Variants in INPP5A observed in about 807,000 individuals in gnomAD.
INPP5A encodes inositol polyphosphate-5-phosphatase A, also known as 43 kDa inositol polyphosphate 5-phophatase.
INPP5A carries 14 observed loss-of-function variants against 65.2 expected under a neutral mutation model. The ratio of observed to expected loss-of-function variants is 0.21; its 90% CI spans 0.14 to 0.34. The LOEUF (loss-of-function observed/expected upper bound fraction) is 0.34, where lower values mean the gene tolerates loss of function less well. Among genes scored for constraint, INPP5A ranks in the 10% least tolerant of loss-of-function variants. The pLI, the probability that INPP5A is intolerant of heterozygous loss-of-function variation, is 1.00. For synonymous variants in INPP5A, 207 were observed against 208.3 expected, an observed-to-expected ratio of 0.99 and a Z score of 0.05; for missense variants, 431 against 545.6, an observed-to-expected ratio of 0.79 and a Z score of 2.09.
rs1051505084 is a variant in INPP5A at position 132,644,499 on chromosome 10, G to A, written c.118-1369G>A. ...GCTGGCTGCCCACTTGCTCAGCTGC[G>A]CCCTGGACCGTGGCCGCTGGGCTCC... On this transcript the variant is annotated intron_variant, in intron 2 of 15. Transcript: ENST00000368594. This position sits in a 1 kb window ranked among gnomAD's most constrained non-coding sequence, Gnocchi z 6.5. Among the ~76,000 whole-genome samples the A allele has an allele frequency of 3.3e-5, 5 of 152,234 alleles. No homozygotes were observed. The highest frequency in any genetic ancestry group is 7.2e-5 in the African/African-American group (3 of 41,444).
chr10:132,652,595 G>A (rs1007411198), intron 4 of INPP5A, among the ~76,000 whole-genome samples: 9 of 152,204 alleles, frequency 5.9e-5, no homozygotes, highest in Non-Finnish European at 8.8e-5. Flanking sequence ...CCGTCTCTGC[G>A]TGCTGCCCTG....
intron 6 of INPP5A, among the ~76,000 whole-genome samples, chr10:132,699,663 C>T (rs1215331504): frequency 1.3e-5 from 2 of 152,108 alleles, no homozygotes; most frequent in East Asian, 1.9e-4. Flanking sequence ...GGCCAGGGCC[C>T]GCAGGGTCAG....
rs545508290 is a variant in INPP5A at position 132,782,094 on chromosome 10, C to G, written c.*65C>G. On this transcript the variant is annotated 3_prime_UTR_variant, in exon 16 of 16. Coordinates refer to ENST00000368594, the MANE Select transcript of INPP5A (RefSeq NM_005539.5). This position sits in a 1 kb window ranked among gnomAD's most constrained non-coding sequence, Gnocchi z 4.4. ...CGTGAGCCTCCCTGTAGCCGTGGACCGAATACGCACTCTTGAAAGCTGCAT... is the reference window on the plus strand; with the variant it reads ...CGTGAGCCTCCCTGTAGCCGTGGACGGAATACGCACTCTTGAAAGCTGCAT... The G allele has an allele frequency of 8.4e-6, 13 of 1,540,028 alleles. No homozygotes were observed. The South Asian group carries it at 1.6e-4, about 18-fold the overall frequency.
At chr10:132,633,368 C>T (rs1409913751) in intron 2 of INPP5A, among the ~76,000 whole-genome samples, 3 of 152,142 alleles carry the variant, frequency 2.0e-5, no homozygotes, top group Non-Finnish European at 4.4e-5. Context: ...TAGTAGGTCA[C>T]GAAAACCCAT....
At chr10:132,612,297 G>A (rs955822864) in intron 2 of INPP5A, among the ~76,000 whole-genome samples, 1 of 151,918 alleles carries the variant, frequency 6.6e-6, no homozygotes, top group Admixed American at 6.6e-5. Flanking sequence ...TGAGGGAGGT[G>A]AGGAGTTCAT....
chr10:132,780,128 C>G (rs903848167), intron 13 of INPP5A, among the ~76,000 whole-genome samples: 8 of 152,228 alleles, frequency 5.3e-5, no homozygotes, highest in African/African-American at 1.9e-4. Context: ...GTAAATCTGA[C>G]CTTGAGCTTC....
chr10:132,729,026 G>A (rs1357653451), intron 9 of INPP5A, among the ~76,000 whole-genome samples: 1 of 144,316 alleles, frequency 6.9e-6, no homozygotes, highest in Admixed American at 6.7e-5. Flanking sequence ...CAGGCGTGGG[G>A]GGCCTGGACT....
At chr10:132,577,034 C>T (rs2071418703) in intron 1 of INPP5A, among the ~76,000 whole-genome samples, 1 of 152,218 alleles carries the variant, frequency 6.6e-6, no homozygotes, top group Admixed American at 6.5e-5. Flanking sequence ...TTGTGCTGGG[C>T]TCCAGAAAAC....
rs74161907 is a variant in INPP5A, at chr10:132,669,374, C to G, written c.306+18869C>G. On this transcript the variant is annotated intron_variant, in intron 4 of 15. Coordinates refer to ENST00000368594, the MANE Select transcript of INPP5A (RefSeq NM_005539.5). ...TGTGAGGCGGGTTCCCTGGTGCCCA[C>G]TGTGGCCTACTCTGAGGGGCACAAT... 3.1e-3 allele frequency among the ~76,000 whole-genome samples: 474 copies of G among 152,326 alleles called. 3 individuals carry two copies. The highest frequency in any genetic ancestry group is 0.011 in the African/African-American group (455 of 41,570).
chr10:132,634,871 G>A (rs892582198), intron 2 of INPP5A, among the ~76,000 whole-genome samples: 3 of 152,384 alleles, frequency 2.0e-5, no homozygotes, highest in Non-Finnish European at 4.4e-5. Context: ...CTGGTGTGGT[G>A]TGTGCTTTCC....
chr10:132,708,820 T>C (rs1165614142), intron 7 of INPP5A, among the ~76,000 whole-genome samples: 1 of 152,228 alleles, frequency 6.6e-6, no homozygotes, highest in Non-Finnish European at 1.5e-5. Context: ...CTTTCTGCAG[T>C]GAACATGTTC....
intron 6 of INPP5A, among the ~76,000 whole-genome samples, chr10:132,699,966 A>C (rs1845410556): frequency 6.6e-6 from 1 of 152,094 alleles, no homozygotes; most frequent in Admixed American, 6.5e-5. Flanking sequence ...CAGGGGTCTG[A>C]GTGTGGCCCC....
intron 9 of INPP5A, among the ~76,000 whole-genome samples, chr10:132,742,307 C>T (rs544189879): frequency 3.7e-4 from 57 of 152,246 alleles, no homozygotes; most frequent in Non-Finnish European, 6.2e-4. Context: ...CGCGCAGCCC[C>T]GCCCTGCAGG....
chr10:132,763,211 G>A (rs1344116579), intron 11 of INPP5A, among the ~76,000 whole-genome samples: 1 of 152,200 alleles, frequency 6.6e-6, no homozygotes, highest in Non-Finnish European at 1.5e-5. Flanking sequence ...CTGACTCTCA[G>A]CAGATCTCAT....
intron 1 of INPP5A, among the ~76,000 whole-genome samples, chr10:132,564,515 G>A (rs2071249244): frequency 6.6e-6 from 1 of 152,138 alleles, no homozygotes; most frequent in African/African-American, 2.4e-5. Context: ...ACCGGCCCAG[G>A]GCTCAGCTCA....
chr10:132,775,159 G>A (rs866627469), intron 12 of INPP5A, among the ~76,000 whole-genome samples: 5 of 50,930 alleles, frequency 9.8e-5, no homozygotes, highest in East Asian at 4.8e-4. Context: ...AGGGAGGAGA[G>A]AGGGGCAGAG....
intron 6 of INPP5A, among the ~76,000 whole-genome samples, chr10:132,700,155 G>A: frequency 6.6e-6 from 1 of 152,232 alleles, no homozygotes; most frequent in Non-Finnish European, 1.5e-5. Flanking sequence ...GTTGTGCAGT[G>A]TTGTGTCCAC....
chr10:132,642,633 A>G (rs1190583463), intron 2 of INPP5A, among the ~76,000 whole-genome samples: 1 of 152,170 alleles, frequency 6.6e-6, no homozygotes, highest in Admixed American at 6.5e-5. Flanking sequence ...CTGTTTGAGC[A>G]GGCCTGGCCT....
intron 1 of INPP5A, among the ~76,000 whole-genome samples, chr10:132,539,293 C>T (rs550482145): frequency 6.6e-6 from 1 of 152,256 alleles, no homozygotes; most frequent in East Asian, 1.9e-4. Context: ...CCCCATTTAA[C>T]CCTGCCACTT....
Sources: gnomAD v4.1 joint callset for allele counts (sites outside exome capture counted in the v4.1 genomes callset) on GRCh38, gnomAD v4.1.1 for gene constraint, Gnocchi (gnomAD v3.1) non-coding constraint, MANE v1.5 for transcripts, NCBI Gene and HGNC (gene_info 2026-07-23, HGNC 2026-07-21) for gene names.